STMN3: variants seen among roughly 807,000 people sequenced by gnomAD.
STMN3 encodes stathmin 3.
In STMN3, 24 loss-of-function variants were observed where a neutral mutation model predicts 23.2. The ratio of observed to expected loss-of-function variants is 1.03; its 90% CI spans 0.75 to 1.45. STMN3 has a LOEUF of 1.45. Ranked by LOEUF, STMN3 falls within the 40% of genes most tolerant of loss-of-function variation. The pLI, the probability that STMN3 is intolerant of heterozygous loss-of-function variation, is 0.00. For missense variants in STMN3, 235 were observed against 237.6 expected, an observed-to-expected ratio of 0.99 and a Z score of 0.07; for synonymous variants, 117 against 103.4, an observed-to-expected ratio of 1.13 and a Z score of -0.80.
At position 63,641,102 on chromosome 20, in the gene STMN3, C is replaced by T. The variant is rs1327137856; in HGVS notation, c.*236G>A. Reference sequence around the variant, plus strand: ...CCCCGGGGGACCCAGCCGCGCCCGGCCTGGTGTCTGCACCGAGGGACCGCG... The same window carrying T: ...CCCCGGGGGACCCAGCCGCGCCCGGTCTGGTGTCTGCACCGAGGGACCGCG... On this transcript the variant is annotated 3_prime_UTR_variant, in exon 5 of 5. Coordinates refer to ENST00000370053, the MANE Select transcript of STMN3 (RefSeq NM_015894.4). The T allele has an allele frequency of 1.2e-5, 7 of 595,914 alleles. No homozygotes were observed. Among genetic ancestry groups the T allele is most frequent in the East Asian group, 8.6e-5 (3 of 34,692 alleles). 36.9% of individuals were successfully genotyped at this position (595,914 alleles called of 1,614,324 possible).
At chr20:63,642,998 G>A (rs2089780991) in intron 3 of STMN3, among the ~76,000 whole-genome samples, 1 of 152,142 alleles carries the variant, frequency 6.6e-6, no homozygotes, top group South Asian at 2.1e-4. Flanking sequence ...AGGGGCTGGT[G>A]GGAGGGGAGG....
intron 1 of STMN3, among the ~76,000 whole-genome samples, chr20:63,649,191 A>T (rs2089839440): frequency 6.6e-6 from 1 of 152,152 alleles, no homozygotes; most frequent in Non-Finnish European, 1.5e-5. Flanking sequence ...AAGTGGGACC[A>T]GGTACCCACA....
chr20:63,648,052 C>G (rs1305715433), intron 1 of STMN3, among the ~76,000 whole-genome samples: 1 of 144,818 alleles, frequency 6.9e-6, no homozygotes, highest in Non-Finnish European at 1.5e-5. Flanking sequence ...CTTGAACTCC[C>G]GGCCTCAAGA....
intron 3 of STMN3, 103 bp downstream of exon 3, chr20:63,643,653 A>G: frequency 1.4e-6 from 2 of 1,411,848 alleles, no homozygotes; most frequent in Non-Finnish European, 9.2e-7. Context: ...AGGCCAAGGC[A>G]CTGACCAAGC....
rs970800801 is a variant in STMN3 at position 63,641,271 on chromosome 20, G to C, written c.*67C>G. ...GAACAAAAGTTGCATCTAGACAGAGGTGAACGAAACAAAACCAAAACCCGA... is the reference window on the plus strand; with the variant it reads ...GAACAAAAGTTGCATCTAGACAGAGCTGAACGAAACAAAACCAAAACCCGA... On this transcript the variant is annotated 3_prime_UTR_variant, in exon 5 of 5. Transcript: ENST00000370053. 2 of 1,447,152 alleles carry C rather than the reference G, an allele frequency of 1.4e-6. No individual in the cohort carries two copies. Among genetic ancestry groups the C allele is most frequent in the African/African-American group, 2.8e-5 (2 of 70,862 alleles). The allele number at this position is 1,447,152 out of a possible 1,614,324, so 89.6% of individuals were successfully genotyped here. A position where few individuals can be genotyped will look rare whatever the true frequency, so the allele number is the denominator to read the frequency against.
chr20:63,642,833 G>A (rs1162952336), intron 3 of STMN3, among the ~76,000 whole-genome samples: 1 of 152,126 alleles, frequency 6.6e-6, no homozygotes, highest in African/African-American at 2.4e-5. Flanking sequence ...GGGGCAGCAG[G>A]ACCCGCACCC....
intron 1 of STMN3, among the ~76,000 whole-genome samples, chr20:63,651,125 A>G (rs1186435171): frequency 1.3e-5 from 2 of 151,704 alleles, no homozygotes; most frequent in Non-Finnish European, 2.9e-5. Flanking sequence ...ACACCTGGCT[A>G]ATTTTGTACT....
intron 3 of STMN3, 107 bp from the exon 4 acceptor site, chr20:63,642,406 G>T: frequency 1.5e-6 from 1 of 665,176 alleles, no homozygotes; most frequent in Non-Finnish European, 2.2e-6. Context: ...CTCACCTGGC[G>T]CCTCCACCTG....
Position 63,652,955 on chromosome 20 carries a change from T to C in STMN3, c.19+372A>G, listed in dbSNP as rs2089872209. 6.6e-6 allele frequency among the ~76,000 whole-genome samples: 1 copy of C among 151,416 alleles called. No individual in the cohort carries two copies. The highest frequency in any genetic ancestry group is 2.4e-5 in the African/African-American group (1 of 41,118). ...GGCTCTGGCGGACCCAGATCTCGGG[T>C]CGCCGGACGCCCCAGGGACCCCGCC... On this transcript the variant is annotated intron_variant, in intron 1 of 4. Transcript: ENST00000370053. This position sits in a 1 kb window ranked among gnomAD's most constrained non-coding sequence, Gnocchi z 5.3.
chr20:63,650,487 C>A (rs1314519978), intron 1 of STMN3, among the ~76,000 whole-genome samples: 1 of 134,086 alleles, frequency 7.5e-6, no homozygotes, highest in East Asian at 2.2e-4. Context: ...TCACACCTCA[C>A]GCCCACCCCT....
At position 63,644,199 on chromosome 20, in the gene STMN3, C is replaced by G; in HGVS notation, c.115+15G>C. ...AGGCACCGCAGGGAAGGGCAGGCGG[C>G]AGCCAGGCACTCACCCCCGTACTGG... On this transcript the variant is annotated intron_variant, in intron 2 of 4. Coordinates refer to ENST00000370053, the MANE Select transcript of STMN3 (RefSeq NM_015894.4). 4.4e-6 allele frequency: 7 copies of G among 1,608,694 alleles called. No individual in the cohort carries two copies. The highest frequency in any genetic ancestry group is 6.0e-6 in the Non-Finnish European group (7 of 1,176,052).
chr20:63,641,337 C>T lies in STMN3; in HGVS notation c.*1G>A, dbSNP rs6010983. ...GGATGGGCGCCGCCCGTCCCGGGCCCTTAGCCCGACATCTCTTCTCGCTGC... is the reference window on the plus strand; with the variant it reads ...GGATGGGCGCCGCCCGTCCCGGGCCTTTAGCCCGACATCTCTTCTCGCTGC... On this transcript the variant is annotated 3_prime_UTR_variant, in exon 5 of 5. Transcript: ENST00000370053. The T allele has an allele frequency of 6.4e-7, 1 of 1,564,062 alleles. No individual in the cohort carries two copies. The highest frequency in any genetic ancestry group is 1.2e-5 in the South Asian group (1 of 85,110).
chr20:63,643,697 G>A, intron 3 of STMN3, 59 bp downstream of exon 3: 1 of 1,476,414 alleles, frequency 6.8e-7, no homozygotes, highest in East Asian at 2.5e-5. Flanking sequence ...TGCAGGCCCT[G>A]TCCCCGTGGG....
rs1461633114 is a variant in STMN3, at chr20:63,640,405, C to T, written c.*933G>A. Reference sequence around the variant, plus strand: ...AACCTTACCCGCTGCCCTTCCAACACCTGGATCTGTGGGCAGCGGTCCCAC... The same window carrying T: ...AACCTTACCCGCTGCCCTTCCAACATCTGGATCTGTGGGCAGCGGTCCCAC... On this transcript the variant is annotated 3_prime_UTR_variant, in exon 5 of 5. Transcript: ENST00000370053. The T allele has an allele frequency of 6.6e-6, 1 of 152,448 alleles. No homozygotes were observed. The highest frequency in any genetic ancestry group is 1.5e-5 in the Non-Finnish European group (1 of 67,986). The allele number at this position is 152,448 out of a possible 1,614,324, so 9.4% of individuals were successfully genotyped here.
chr20:63,647,093 A>G (rs1037665928), intron 1 of STMN3, among the ~76,000 whole-genome samples: 1 of 151,060 alleles, frequency 6.6e-6, no homozygotes, highest in Admixed American at 6.6e-5. Flanking sequence ...AGATCACCTG[A>G]GGTCAGGAGT....
At chr20:63,653,256 C>A (rs1398482592) in intron 1 of STMN3, 71 bp downstream of exon 1, 2 of 1,517,370 alleles carry the variant, frequency 1.3e-6, no homozygotes, top group Admixed American at 4.1e-5. Context: ...CGGCCGCTGC[C>A]CCAGGCGAGG....
At position 63,642,221 on chromosome 20, in the gene STMN3, C is replaced by T. The variant is rs1010768656; in HGVS notation, c.370G>A (p.Glu124Lys). The T allele has an allele frequency of 7.0e-6, 11 of 1,563,204 alleles. No individual in the cohort carries two copies. The highest frequency in any genetic ancestry group is 9.5e-6 in the Non-Finnish European group (11 of 1,156,822). The change falls in exon 4 of 5, where the codon GAG (glutamate) becomes AAG (lysine). Residue 124 changes from glutamate (E) to lysine (K), a missense_variant. Transcript: ENST00000370053. Reference sequence around the variant, plus strand: ...GCCTGGCGGCTGAAGTTGTTATTCTCCTCCAGCGCCTTGTGCAGCACCTCG... The same window carrying T: ...GCCTGGCGGCTGAAGTTGTTATTCTTCTCCAGCGCCTTGTGCAGCACCTCG... ...EREVLHKALE[E>K]NNNFSRQAEE...
chr20:63,643,968 G>A (rs1436967241), intron 2 of STMN3, 37 bp from the exon 3 acceptor site: 12 of 1,582,656 alleles, frequency 7.6e-6, no homozygotes, highest in Middle Eastern at 1.7e-4. Context: ...TCAGAGGCCC[G>A]GCCAGGGCAT....
intron 1 of STMN3, among the ~76,000 whole-genome samples, chr20:63,647,948 G>GTGTGTATATA (rs1320052757): frequency 3.1e-5 from 2 of 63,830 alleles, no homozygotes; most frequent in Non-Finnish European, 6.7e-5. Context: ...GTGTGTGTGT[G>GTGTGTATATA]TATATATATA....
Sources: gnomAD v4.1 joint callset for allele counts (sites outside exome capture counted in the v4.1 genomes callset) on GRCh38, gnomAD v4.1.1 for gene constraint, Gnocchi (gnomAD v3.1) non-coding constraint, MANE v1.5 for transcripts, NCBI Gene and HGNC (gene_info 2026-07-23, HGNC 2026-07-21) for gene names.